The following CFH variants were observed in gnomAD, a reference collection of about 807,000 sequenced individuals.
The protein encoded by CFH is H factor 1 (complement).
Under a neutral mutation model 147.3 loss-of-function variants are expected in CFH, and 53 were observed. The observed-to-expected ratio is 0.36, with a 90% CI of 0.29 to 0.45. The LOEUF (loss-of-function observed/expected upper bound fraction) is 0.45, where lower values mean the gene tolerates loss of function less well. Among genes scored for constraint, CFH ranks in the 20% least tolerant of loss-of-function variants. The pLI is 1.00. For synonymous variants in CFH, 536 were observed against 489.4 expected (o/e 1.10, Z -1.26); for missense variants, 1,380 against 1,498.0 (o/e 0.92, Z 1.30).
intron 9 of CFH, among the ~76,000 whole-genome samples, chr1:196,705,572 T>C (rs1465134495): frequency 6.6e-6 from 1 of 152,138 alleles, no homozygotes; most frequent in African/African-American, 2.4e-5. Flanking sequence ...AGAAAGCCAT[T>C]TGATTTGTTC....
chr1:196,710,989 C>G (rs1276185742), intron 9 of CFH, among the ~76,000 whole-genome samples: 1 of 151,892 alleles, frequency 6.6e-6, no homozygotes, highest in African/African-American at 2.4e-5. Context: ...TGGCATTATT[C>G]AGAATATTTT....
In CFH at chr1:196,673,103, G is replaced by A. The variant is rs800292; in HGVS notation, c.184G>A (p.Val62Ile). Residue 62 changes from valine (V) to isoleucine (I), a missense_variant, in exon 2 of 22, where the codon GTA (valine) becomes ATA (isoleucine). Physicochemically the swap from Val to Ile is conservative, Grantham distance 29. Around this residue, in one of 4 missense-constraint regions of CFH, gnomAD observed 260 missense variants for 263.3 expected, o/e 0.99. Transcript: ENST00000367429. ...CRPGYRSLGN[V>I]IMVCRKGEWV... ...CCCTGGATATAGATCTCTTGGAAAT[G>A]TAATAATGGTATGCAGGAAGGGAGA... 441,654 of 1,612,358 alleles carry A rather than the reference G, an allele frequency of 0.27. 70,983 individuals are homozygous for A. Among genetic ancestry groups the A allele is most frequent in the African/African-American group, 0.72 (54,216 of 74,870 alleles).
chr1:196,722,390 T>C (rs1157258891), intron 11 of CFH, among the ~76,000 whole-genome samples: 1 of 152,150 alleles, frequency 6.6e-6, no homozygotes, highest in Non-Finnish European at 1.5e-5. Context: ...CTAATCTTTC[T>C]TTAAGAACCC....
In CFH at chr1:196,692,896, TCCC is replaced by T. The variant is rs1668113989; in HGVS notation, c.1336+2658_1336+2660del. Among the ~76,000 whole-genome samples, 3 of 112,724 alleles carry T rather than the reference TCCC, an allele frequency of 2.7e-5. 1 individual carries two copies. The South Asian group carries it at 9.9e-4, about 37-fold the overall frequency. The allele number at this position is 112,724 out of a possible 152,430, so 74.0% of individuals were successfully genotyped here. A position where few individuals can be genotyped will look rare whatever the true frequency, so the allele number is the denominator to read the frequency against. On this transcript the variant is annotated intron_variant, in intron 9 of 21. Coordinates refer to ENST00000367429, the MANE Select transcript of CFH (RefSeq NM_000186.4). The stretch of plus-strand genomic sequence containing the variant: ...TCTGTCACCTCCCTCCCTCCCTCCC[TCCC>T]TCCCTTCCTTCCTTCCTTCCTTCCT...
chr1:196,746,118 C>A (rs544373933), intron 21 of CFH, 119 bp downstream of exon 21: 3 of 1,555,302 alleles, frequency 1.9e-6, no homozygotes, highest in East Asian at 2.3e-5. Flanking sequence ...GCTTGCCTAC[C>A]AAATATTTCT....
intron 1 of CFH, among the ~76,000 whole-genome samples, chr1:196,660,295 A>C (rs1265942676): frequency 6.6e-6 from 1 of 152,266 alleles, no homozygotes; most frequent in Non-Finnish European, 1.5e-5. Flanking sequence ...GTGACTTTGC[A>C]CAGTAAATAC....
intron 1 of CFH, among the ~76,000 whole-genome samples, chr1:196,655,865 GA>G (rs1666668523): frequency 1.3e-5 from 2 of 152,102 alleles, no homozygotes; most frequent in African/African-American, 4.8e-5. Context: ...TAGCTCAGAG[GA>G]AATAAAGTAA....
Position 196,728,483 on chromosome 1 carries a change from T to A in CFH, c.2374T>A (p.Cys792Ser). Residue 792 changes from cysteine (C) to serine (S), a missense_variant, in exon 15 of 22, where the codon TGC becomes AGC. Around this residue, in one of 4 missense-constraint regions of CFH, gnomAD observed 830 missense variants for 821.4 expected, o/e 1.01. Transcript: ENST00000367429. ...AAAAGAAGGATGGATACACACAGTCTGCATAAATGGAAGATGGGATCCAGA... is the reference window on the plus strand; with the variant it reads ...AAAAGAAGGATGGATACACACAGTCAGCATAAATGGAAGATGGGATCCAGA... ...RGKEGWIHTV[C>S]INGRWDPEVN... 1 of 1,612,950 alleles carries A rather than the reference T, an allele frequency of 6.2e-7. No individual in the cohort carries two copies. The highest frequency in any genetic ancestry group is 8.5e-7 in the Non-Finnish European group (1 of 1,179,190).
chr1:196,728,433 C>G lies in CFH; in HGVS notation c.2324C>G (p.Ser775Cys). ...LKNKKEFDHN[S>C]NIRYRCRGKE... ...AACAAGAAGGAATTCGATCATAATT[C>G]TAACATAAGGTACAGATGTAGAGGA... Residue 775 changes from serine to cysteine, a missense_variant, in exon 15 of 22, where the codon TCT (serine) becomes TGT (cysteine). By Grantham distance (112) the Ser-to-Cys change is moderately radical. Coordinates refer to ENST00000367429, the MANE Select transcript of CFH (RefSeq NM_000186.4). 1 of 1,610,560 alleles carries G rather than the reference C, an allele frequency of 6.2e-7. No individual in the cohort carries two copies. The highest frequency in any genetic ancestry group is 1.1e-5 in the South Asian group (1 of 90,574).
In CFH at chr1:196,713,738, C is replaced by G. The variant is rs369387485; in HGVS notation, c.1340C>G (p.Thr447Arg). ...SPTPRCIRVK[T>R]CSKSSIDIEN... ...TTCTTATTCTCTTCCCTTTTAGAAA[C>G]ATGTTCCAAATCAAGTATAGATATT... Residue 447 changes from threonine to arginine, a missense_variant, in exon 10 of 22, where the codon ACA becomes AGA. Transcript: ENST00000367429. 8 of 1,570,450 alleles carry G rather than the reference C, an allele frequency of 5.1e-6. No individual in the cohort carries two copies. The highest frequency in any genetic ancestry group is 6.1e-6 in the Non-Finnish European group (7 of 1,142,444).
chr1:196,677,319 G>T (rs1018798362), intron 4 of CFH, 157 bp from the exon 5 acceptor site: 7 of 652,074 alleles, frequency 1.1e-5, no homozygotes, highest in Non-Finnish European at 1.8e-5. Context: ...GTTTCTTAGA[G>T]GAAAGTATCT....
chr1:196,711,067 T>A (rs1668713649), intron 9 of CFH, among the ~76,000 whole-genome samples: 1 of 152,112 alleles, frequency 6.6e-6, no homozygotes, highest in African/African-American at 2.4e-5. Flanking sequence ...TATAAGCAAT[T>A]TGTGTTATTT....
At chr1:196,722,616 A>G (rs573768624) in intron 11 of CFH, among the ~76,000 whole-genome samples, 63 of 152,290 alleles carry the variant, frequency 4.1e-4, no homozygotes, top group African/African-American at 1.2e-3. Flanking sequence ...AGCCTCTTGT[A>G]TAAGGATTTC....
At position 196,726,564 on chromosome 1, in the gene CFH, A is replaced by G; in HGVS notation, c.1968A>G (p.Glu656=). 3.7e-6 allele frequency: 6 copies of G among 1,612,696 alleles called. No homozygotes were observed. The highest frequency in any genetic ancestry group is 5.1e-6 in the Non-Finnish European group (6 of 1,178,816). ...AATATGGACACAGTGAAGTGGTGGA[A>G]TATTATTGCAATCCTAGATTTCTAA... ...KEEYGHSEVV[E]YYCNPRFLMK... is the part of the protein sequence containing the mutation. Residue 656 remains glutamate (E), a synonymous_variant, in exon 13 of 22, where the codon GAA becomes GAG. Transcript: ENST00000367429.
intron 6 of CFH, 26 bp downstream of exon 6, chr1:196,679,819 C>T (rs1435049907): frequency 1.3e-6 from 2 of 1,592,240 alleles, no homozygotes; most frequent in South Asian, 2.3e-5. Context: ...TTTTCTGGAT[C>T]TTTATAAATT....
intron 4 of CFH, 82 bp from the exon 5 acceptor site, chr1:196,677,394 G>A: frequency 7.9e-7 from 1 of 1,259,186 alleles, no homozygotes. Context: ...ATCTTATCCT[G>A]AGGATGATTT....
intron 5 of CFH, 139 bp from the exon 6 acceptor site, chr1:196,679,484 G>A (rs1316844920): frequency 4.7e-5 from 27 of 575,436 alleles, no homozygotes; most frequent in Non-Finnish European, 7.8e-5. Flanking sequence ...TTTATTAAGC[G>A]GTCAAGTCAA....
chr1:196,705,327 G>A (rs1668561286), intron 9 of CFH, among the ~76,000 whole-genome samples: 1 of 152,164 alleles, frequency 6.6e-6, no homozygotes, highest in Admixed American at 6.5e-5. Flanking sequence ...GGACTGGAGA[G>A]AAGCTCTTGT....
intron 1 of CFH, among the ~76,000 whole-genome samples, chr1:196,658,185 C>G (rs1392502483): frequency 6.6e-6 from 1 of 151,826 alleles, no homozygotes; most frequent in Non-Finnish European, 1.5e-5. Flanking sequence ...CTACTCTTTA[C>G]CAGTAGTTAA....
Sources: allele counts gnomAD v4.1 joint callset (sites outside exome capture counted in the v4.1 genomes callset), GRCh38; gene constraint gnomAD v4.1.1; regional missense constraint gnomAD v4.1.1; transcripts MANE v1.5; gene names NCBI Gene and HGNC (gene_info 2026-07-23, HGNC 2026-07-21).